The following YIPF1 variants were observed in gnomAD, a reference collection of about 807,000 sequenced individuals.
YIPF1 encodes the protein protein YIPF1.
Under a neutral mutation model 37.0 loss-of-function variants are expected in YIPF1, and 22 were observed. The ratio of observed to expected loss-of-function variants is 0.59; its 90% CI spans 0.42 to 0.85. The LOEUF (loss-of-function observed/expected upper bound fraction) is 0.85. Among genes scored for constraint, YIPF1 ranks in the 40% least tolerant of loss-of-function variants. The pLI, the probability that YIPF1 is intolerant of heterozygous loss-of-function variation, is 0.00. For synonymous variants in YIPF1, 128 were observed against 131.9 expected (o/e 0.97, Z 0.21); for missense variants, 355 against 373.1 (o/e 0.95, Z 0.40).
At chr1:53,889,535 G>A (rs11206236) in intron 1 of YIPF1, 72 bp from the exon 2 acceptor site, 34,719 of 152,430 alleles carry the variant, frequency 0.23, 4,198 homozygotes, top group African/African-American at 0.3. Flanking sequence ...CGTGTAAGGA[G>A]CCTAGAGCGG....
chr1:53,886,261 G>A (rs968616381), intron 3 of YIPF1, among the ~76,000 whole-genome samples: 2 of 151,880 alleles, frequency 1.3e-5, no homozygotes, highest in Non-Finnish European at 2.9e-5. Context: ...GTGATGGAGG[G>A]ACAGTGACGG....
rs114498643 is a variant in YIPF1 at position 53,863,667 on chromosome 1, G to A, written c.831+2533C>T. Reference sequence around the variant, plus strand: ...TGGGCAGGTAAATCCTGGTTTCAGCGCCATCTGCCCCAAAAGGGAACAATA... The same window carrying A: ...TGGGCAGGTAAATCCTGGTTTCAGCACCATCTGCCCCAAAAGGGAACAATA... On this transcript the variant is annotated intron_variant, in intron 9 of 10. Coordinates refer to ENST00000072644, the MANE Select transcript of YIPF1 (RefSeq NM_018982.5). Among the ~76,000 whole-genome samples, 1,209 of 152,226 alleles carry A rather than the reference G, an allele frequency of 7.9e-3. 10 individuals are homozygous for A. The highest frequency in any genetic ancestry group is 0.028 in the African/African-American group (1,165 of 41,518).
At chr1:53,869,119 T>C (rs537833274) in intron 7 of YIPF1, among the ~76,000 whole-genome samples, 1 of 149,986 alleles carries the variant, frequency 6.7e-6, no homozygotes, top group Admixed American at 6.6e-5. Context: ...GAAGGAAGGA[T>C]ACATGGATAC....
chr1:53,862,100 C>T (rs1199064611), intron 9 of YIPF1, among the ~76,000 whole-genome samples: 2 of 152,222 alleles, frequency 1.3e-5, no homozygotes, highest in African/African-American at 4.8e-5. Context: ...ATAACAATCA[C>T]AGCCATCATT....
At chr1:53,879,852 T>C (rs2100739573) in intron 4 of YIPF1, among the ~76,000 whole-genome samples, 1 of 152,256 alleles carries the variant, frequency 6.6e-6, no homozygotes, top group South Asian at 2.1e-4. Context: ...TGGGACTGAC[T>C]AGGCAAGTAG....
At chr1:53,878,606 T>C (rs199558172) in intron 5 of YIPF1, 36 bp downstream of exon 5, 2 of 1,590,548 alleles carry the variant, frequency 1.3e-6, no homozygotes, top group Non-Finnish European at 1.7e-6. Context: ...AAGTCTCCTT[T>C]ACCCGTAAAA....
chr1:53,869,928 A>C (rs1650133483), intron 7 of YIPF1, among the ~76,000 whole-genome samples: 1 of 143,642 alleles, frequency 7.0e-6, no homozygotes, highest in African/African-American at 2.6e-5. Context: ...GCTAGAGTGC[A>C]GTAGCGTGAT....
intron 4 of YIPF1, among the ~76,000 whole-genome samples, chr1:53,879,654 A>G (rs1420777067): frequency 6.6e-6 from 1 of 152,358 alleles, no homozygotes; most frequent in Middle Eastern, 3.4e-3. Flanking sequence ...TTCATACAGC[A>G]AAAAGTACGG....
At chr1:53,862,932 C>G (rs771005259) in intron 9 of YIPF1, among the ~76,000 whole-genome samples, 112 of 152,178 alleles carry the variant, frequency 7.4e-4, no homozygotes, top group Non-Finnish European at 1.1e-3. Flanking sequence ...TTCCTAACTT[C>G]TGGCTCAGCC....
At chr1:53,878,026 C>T (rs1185060794) in intron 6 of YIPF1, among the ~76,000 whole-genome samples, 2 of 152,228 alleles carry the variant, frequency 1.3e-5, no homozygotes, top group Non-Finnish European at 2.9e-5. Flanking sequence ...TGGCAATCCT[C>T]CCATCTTAGC....
chr1:53,886,155 A>G lies in YIPF1; in HGVS notation c.31+2752T>C, dbSNP rs533701808. Among the ~76,000 whole-genome samples, 30 of 152,016 alleles carry G rather than the reference A, an allele frequency of 2.0e-4. 1 individual carries two copies. The South Asian group carries it at 5.2e-3, about 26-fold the overall frequency. ...GGGATCAGGAAAGGTTTCTTGGAGA[A>G]GATACCATATGAGAAGGATGGCCAG... On this transcript the variant is annotated intron_variant, in intron 3 of 10. Coordinates refer to ENST00000072644, the MANE Select transcript of YIPF1 (RefSeq NM_018982.5).
intron 4 of YIPF1, 195 bp downstream of exon 4, chr1:53,882,918 T>C: frequency 2.0e-6 from 1 of 494,182 alleles, no homozygotes; most frequent in Non-Finnish European, 3.4e-6. Context: ...ACTACCCCAG[T>C]GTTCCCCTCC....
intron 9 of YIPF1, among the ~76,000 whole-genome samples, chr1:53,862,996 A>G (rs1300517378): frequency 1.3e-5 from 2 of 152,148 alleles, no homozygotes; most frequent in Non-Finnish European, 2.9e-5. Context: ...GTCACTGTGG[A>G]GAACAAAACC....
At position 53,889,403 on chromosome 1, in the gene YIPF1, G is replaced by C. The variant is rs1180586966; in HGVS notation, c.-209C>G. On this transcript the variant is annotated 5_prime_UTR_variant, in exon 2 of 11. The change creates a new upstream start codon in the 5' untranslated region. Coordinates refer to ENST00000072644, the MANE Select transcript of YIPF1 (RefSeq NM_018982.5). Reference sequence around the variant, plus strand: ...TCTGGGGTCAGACAGAGCTGGGTTTGATTCCCGATTCTGCTGCTTCTCTGC... The same window carrying C: ...TCTGGGGTCAGACAGAGCTGGGTTTCATTCCCGATTCTGCTGCTTCTCTGC... 1 of 158,706 alleles carries C rather than the reference G, an allele frequency of 6.3e-6. No homozygotes were observed. Among genetic ancestry groups the C allele is most frequent in the African/African-American group, 2.4e-5 (1 of 41,588 alleles). 9.8% of individuals were successfully genotyped at this position (158,706 alleles called of 1,614,324 possible). A position where few individuals can be genotyped will look rare whatever the true frequency, so the allele number is the denominator to read the frequency against.
Position 53,888,890 on chromosome 1 carries a change from G to C in YIPF1, c.31+17C>G, listed in dbSNP as rs1482822362. 1 of 1,575,162 alleles carries C rather than the reference G, an allele frequency of 6.3e-7. No individual in the cohort carries two copies. The highest frequency in any genetic ancestry group is 1.7e-5 in the Admixed American group (1 of 59,556). On this transcript the variant is annotated intron_variant, in intron 3 of 10. Coordinates refer to ENST00000072644, the MANE Select transcript of YIPF1 (RefSeq NM_018982.5). The stretch of plus-strand genomic sequence containing the variant: ...ACAGTGATCATAAATATAAAGGTGG[G>C]CACCCAACTGGTATACCTTCAAATT...
intron 6 of YIPF1, among the ~76,000 whole-genome samples, chr1:53,872,488 A>C (rs758047430): frequency 2.6e-5 from 4 of 152,038 alleles, no homozygotes; most frequent in Non-Finnish European, 4.4e-5. Flanking sequence ...TGCTTTACAA[A>C]CCTCTTTCAT....
chr1:53,888,654 G>A (rs1220719132), intron 3 of YIPF1, among the ~76,000 whole-genome samples: 2 of 152,200 alleles, frequency 1.3e-5, no homozygotes, highest in Non-Finnish European at 2.9e-5. Context: ...AGCAGGAACT[G>A]TGTAAGCATT....
In YIPF1 at chr1:53,860,071, G is replaced by T; in HGVS notation, c.914C>A (p.Ser305Tyr). ...AATCTCTTACTTTCCTCATTAGCTG[G>T]ACTTGGCTGCAGCAACTGTTTGGTT... ...TPNQTVAAAKSS is the reference protein window; with the variant it reads ...TPNQTVAAAKYS The change falls in exon 10 of 11, where the codon TCC (serine) becomes TAC (tyrosine). Residue 305 changes from serine (S) to tyrosine (Y), a missense_variant. Transcript: ENST00000072644. 6.2e-7 allele frequency: 1 copy of T among 1,614,070 alleles called. No homozygotes were observed. Among genetic ancestry groups the T allele is most frequent in the South Asian group, 1.1e-5 (1 of 91,056 alleles).
chr1:53,860,516 A>T (rs1448103490), intron 9 of YIPF1, among the ~76,000 whole-genome samples: 1 of 152,238 alleles, frequency 6.6e-6, no homozygotes, highest in Non-Finnish European at 1.5e-5. Context: ...ACTCAAAGCT[A>T]GGTCGGTCTG....
Sources: gnomAD v4.1 joint callset for allele counts (sites outside exome capture counted in the v4.1 genomes callset) on GRCh38, gnomAD v4.1.1 for gene constraint, MANE v1.5 for transcripts, NCBI Gene and HGNC (gene_info 2026-07-23, HGNC 2026-07-21) for gene names.